PLCL2: variants seen among roughly 807,000 people sequenced by gnomAD.
PLCL2 encodes the protein phospholipase C like 2, also known as inactive phospholipase C-like protein 2.
A neutral mutation model predicts 79.6 loss-of-function variants in PLCL2; 4 were observed. The ratio of observed to expected loss-of-function variants is 0.05; its 90% CI spans 0.02 to 0.11. PLCL2 has a LOEUF of 0.11. Ranked by LOEUF, PLCL2 falls within the 10% of genes least tolerant of loss-of-function variation. PLCL2 has a pLI of 1.00. For synonymous variants in PLCL2, 484 were observed against 457.7 expected (o/e 1.06, Z -0.73); for missense variants, 895 against 1,291.0 (o/e 0.69, Z 4.70).
At chr3:17,025,588 C>G (rs2064509468) in intron 3 of PLCL2, among the ~76,000 whole-genome samples, 1 of 152,146 alleles carries the variant, frequency 6.6e-6, no homozygotes, top group Non-Finnish European at 1.5e-5. Context: ...TCAGATATTT[C>G]AGAATTGTTT....
intron 5 of PLCL2, among the ~76,000 whole-genome samples, chr3:17,069,536 C>T (rs2065043035): frequency 6.6e-6 from 1 of 152,062 alleles, no homozygotes; most frequent in African/African-American, 2.4e-5. Context: ...GTCAGAGAAA[C>T]CGTGAGCCTG....
intron 1 of PLCL2, among the ~76,000 whole-genome samples, chr3:16,941,427 A>C (rs1424562869): frequency 6.6e-6 from 1 of 151,638 alleles, no homozygotes; most frequent in South Asian, 2.1e-4. Context: ...CAAGCACCCA[A>C]CTCCAGCCCC....
At chr3:16,959,541 T>C (rs2063735665) in intron 1 of PLCL2, among the ~76,000 whole-genome samples, 3 of 152,242 alleles carry the variant, frequency 2.0e-5, no homozygotes, top group South Asian at 2.1e-4. Flanking sequence ...TTGCTTTTCC[T>C]TCTCTCTGAC....
intron 1 of PLCL2, among the ~76,000 whole-genome samples, chr3:16,948,371 G>T (rs867935604): frequency 5.9e-5 from 9 of 152,080 alleles, no homozygotes. Flanking sequence ...TCGGGGGTTG[G>T]GGGGACAAGG....
In PLCL2 at chr3:17,052,257, G is replaced by C. The variant is rs917857448; in HGVS notation, c.3094+9308G>C. ...ATGGCAAAAAAAAAAAAAAAAATTG[G>C]GGGGGGGTGAAGGTCTCAGGTTATG... On this transcript the variant is annotated intron_variant, in intron 4 of 5. Coordinates refer to ENST00000615277, the MANE Select transcript of PLCL2 (RefSeq NM_001144382.2). Among the ~76,000 whole-genome samples the C allele has an allele frequency of 3.1e-4, 45 of 145,538 alleles. 1 individual carries two copies. Among genetic ancestry groups the C allele is most frequent in the Admixed American group, 3.5e-4 (5 of 14,440 alleles).
At chr3:16,956,037 T>A (rs60027645) in intron 1 of PLCL2, among the ~76,000 whole-genome samples, 82,813 of 151,538 alleles carry the variant, frequency 0.55, 22,722 homozygotes, top group South Asian at 0.62. Flanking sequence ...TCCTGCCTAA[T>A]TGCCCTGGCC....
At chr3:17,066,976 G>C (rs894970506) in intron 4 of PLCL2, among the ~76,000 whole-genome samples, 17 of 152,232 alleles carry the variant, frequency 1.1e-4, no homozygotes, top group African/African-American at 3.6e-4. Context: ...TTGATATGTA[G>C]TTTAATTTTG....
At chr3:16,888,578 A>G (rs186821587) in intron 1 of PLCL2, among the ~76,000 whole-genome samples, 5 of 152,340 alleles carry the variant, frequency 3.3e-5, no homozygotes, top group Admixed American at 2.0e-4. Context: ...TAATCTAGTA[A>G]ATGAAAACAT....
At position 17,009,530 on chromosome 3, in the gene PLCL2, A is replaced by G; in HGVS notation, c.328-144A>G. ...GGCCAATTCTGAGCTTTAGAGATGAATGAGTATCATTCATCACAGGAATCT... is the reference window on the plus strand; with the variant it reads ...GGCCAATTCTGAGCTTTAGAGATGAGTGAGTATCATTCATCACAGGAATCT... On this transcript the variant is annotated intron_variant, in intron 1 of 5. Coordinates refer to ENST00000615277, the MANE Select transcript of PLCL2 (RefSeq NM_001144382.2). The surrounding 1 kb of genome is among the most constrained non-coding windows in gnomAD (Gnocchi z 4.0). The G allele has an allele frequency of 1.9e-6, 1 of 537,114 alleles. No homozygotes were observed. The highest frequency in any genetic ancestry group is 2.8e-5 in the East Asian group (1 of 35,500). The allele number at this position is 537,114 out of a possible 1,614,324, so 33.3% of individuals were successfully genotyped here.
At chr3:17,024,242 G>C (rs1435582751) in intron 3 of PLCL2, among the ~76,000 whole-genome samples, 1 of 152,162 alleles carries the variant, frequency 6.6e-6, no homozygotes, top group African/African-American at 2.4e-5. Flanking sequence ...TGGAAAAGTG[G>C]CATCCCTTTG....
At chr3:16,989,863 C>A (rs1242692744) in intron 1 of PLCL2, among the ~76,000 whole-genome samples, 1 of 151,472 alleles carries the variant, frequency 6.6e-6, no homozygotes, top group African/African-American at 2.4e-5. Flanking sequence ...GTTTTTTTTT[C>A]ACTGTATGAT....
intron 1 of PLCL2, among the ~76,000 whole-genome samples, chr3:16,895,501 C>A (rs1020732478): frequency 6.6e-6 from 1 of 152,114 alleles, no homozygotes. Flanking sequence ...CATTGGTCTT[C>A]GATCCTAGAT....
At chr3:17,067,197 A>G (rs1327917460) in intron 4 of PLCL2, among the ~76,000 whole-genome samples, 2 of 152,156 alleles carry the variant, frequency 1.3e-5, no homozygotes, top group Non-Finnish European at 2.9e-5. Context: ...TATACTCTTA[A>G]GGACAAAAAA....
chr3:17,027,071 T>G (rs4295151), intron 3 of PLCL2, among the ~76,000 whole-genome samples: 90,029 of 151,404 alleles, frequency 0.59, 27,201 homozygotes, highest in African/African-American at 0.71. Context: ...AAATTTTTTG[T>G]CCAACATATA....
At chr3:17,033,772 T>C (rs2064611445) in intron 3 of PLCL2, among the ~76,000 whole-genome samples, 1 of 152,170 alleles carries the variant, frequency 6.6e-6, no homozygotes, top group Non-Finnish European at 1.5e-5. Context: ...CCAGCAACCT[T>C]CAGGTCTTTT....
At chr3:17,080,993 A>G (rs1253200392) in intron 5 of PLCL2, among the ~76,000 whole-genome samples, 2 of 152,234 alleles carry the variant, frequency 1.3e-5, no homozygotes, top group African/African-American at 2.4e-5. Context: ...TAAAACAAAC[A>G]TACCAGAGAG....
chr3:16,970,937 A>G lies in PLCL2; in HGVS notation c.328-38737A>G, dbSNP rs577529888. 8.5e-4 allele frequency among the ~76,000 whole-genome samples: 129 copies of G among 151,892 alleles called. 1 individual carries two copies. The highest frequency in any genetic ancestry group is 3.0e-3 in the African/African-American group (124 of 41,360). On this transcript the variant is annotated intron_variant, in intron 1 of 5. Coordinates refer to ENST00000615277, the MANE Select transcript of PLCL2 (RefSeq NM_001144382.2). ...TGTTTTTTTCTTGTAAATTTGTTTG[A>G]GTTCATTGTAGATTCTGGATATTAG...
chr3:16,931,675 G>C (rs1210989665), intron 1 of PLCL2, among the ~76,000 whole-genome samples: 1 of 152,132 alleles, frequency 6.6e-6, no homozygotes, highest in Non-Finnish European at 1.5e-5. Flanking sequence ...TTTATTACGT[G>C]AATGACCCCA....
intron 1 of PLCL2, among the ~76,000 whole-genome samples, chr3:16,917,889 C>T (rs1255342713): frequency 6.6e-6 from 1 of 152,110 alleles, no homozygotes; most frequent in Non-Finnish European, 1.5e-5. Flanking sequence ...TGGTGGTCAT[C>T]TTGGGAACTT....
Sources: allele counts gnomAD v4.1 joint callset (sites outside exome capture counted in the v4.1 genomes callset), GRCh38; gene constraint gnomAD v4.1.1; non-coding constraint Gnocchi (gnomAD v3.1); transcripts MANE v1.5; gene names NCBI Gene and HGNC (gene_info 2026-07-23, HGNC 2026-07-21).